CCDC171: variants seen among roughly 807,000 people sequenced by gnomAD.
CCDC171 encodes the protein coiled-coil domain-containing protein 171.
In CCDC171, 177 loss-of-function variants were observed where a neutral mutation model predicts 168.2. The ratio of observed to expected loss-of-function variants is 1.05; its 90% CI spans 0.93 to 1.19. The LOEUF (loss-of-function observed/expected upper bound fraction) is 1.19. CCDC171 is among the 50% of genes most tolerant of loss of function. The probability of loss-of-function intolerance (pLI) is 0.00; values close to 1 mark genes in which losing one functional copy is unlikely to be tolerated. For missense variants in CCDC171, 1,991 were observed against 1,539.0 expected, an observed-to-expected ratio of 1.29 and a Z score of -4.91; for synonymous variants, 687 against 540.8, an observed-to-expected ratio of 1.27 and a Z score of -3.75.
At chr9:16,007,196 T>G (rs1832729048) in intron 3 of CCDC171, among the ~76,000 whole-genome samples, 1 of 152,250 alleles carries the variant, frequency 6.6e-6, no homozygotes, top group Non-Finnish European at 1.5e-5. Context: ...TGGTGAGCAT[T>G]TTTTCATGTG....
intron 24 of CCDC171, among the ~76,000 whole-genome samples, chr9:15,882,226 T>C (rs1369470885): frequency 6.6e-6 from 1 of 152,230 alleles, no homozygotes; most frequent in Non-Finnish European, 1.5e-5. Context: ...CTGTTGACCA[T>C]TTGTATGTTT....
chr9:15,995,834 C>T (rs2132930670), intron 3 of CCDC171, among the ~76,000 whole-genome samples: 1 of 152,332 alleles, frequency 6.6e-6, no homozygotes, highest in East Asian at 1.9e-4. Flanking sequence ...TTGCTTGTTT[C>T]ATTATCAACA....
chr9:15,777,792 T>G lies in CCDC171; in HGVS notation c.2864T>G (p.Leu955Arg). The G allele has an allele frequency of 6.2e-7, 1 of 1,611,430 alleles. No homozygotes were observed. Among genetic ancestry groups the G allele is most frequent in the East Asian group, 2.2e-5 (1 of 44,860 alleles). The change falls in exon 19 of 26, where the codon CTG becomes CGG. Residue 955 changes from leucine (L) to arginine (R), a missense_variant. Transcript: ENST00000380701. ...CTTCATAAAGTAAACACACTGGCCC[T>G]GAAATATGGTTTGCGTGGCCATGTG... ...HGLHKVNTLA[L>R]KYGLRGHVPI...
At chr9:15,828,838 G>T (rs2060119564) in intron 21 of CCDC171, among the ~76,000 whole-genome samples, 1 of 152,112 alleles carries the variant, frequency 6.6e-6, no homozygotes, top group East Asian at 1.9e-4. Context: ...TCTAAAAATA[G>T]GTCAGAAAAT....
the CCDC171 span, among the ~76,000 whole-genome samples, chr9:16,074,718 C>A: frequency 6.6e-6 from 1 of 152,158 alleles, no homozygotes; most frequent in East Asian, 1.9e-4. Flanking sequence ...AGAAGAACAA[C>A]AAATGTTAGA....
chr9:15,555,101 T>G (rs924252109), intron 1 of CCDC171, among the ~76,000 whole-genome samples: 1 of 152,164 alleles, frequency 6.6e-6, no homozygotes, highest in African/African-American at 2.4e-5. Context: ...AAATCTAAAG[T>G]AGATTCGCCT....
intron 7 of CCDC171, among the ~76,000 whole-genome samples, chr9:15,640,510 A>G (rs1239899152): frequency 6.6e-6 from 1 of 152,154 alleles, no homozygotes; most frequent in Non-Finnish European, 1.5e-5. Flanking sequence ...GAGAACATAC[A>G]CGAGAGTTCT....
intron 23 of CCDC171, among the ~76,000 whole-genome samples, chr9:15,867,850 G>GT (rs1379552726): frequency 6.6e-5 from 10 of 151,964 alleles, no homozygotes; most frequent in Admixed American, 5.3e-4. Flanking sequence ...CTCAAGTATG[G>GT]TTTTTTTGTT....
At chr9:15,581,460 C>T (rs1302482914) in intron 4 of CCDC171, among the ~76,000 whole-genome samples, 1 of 152,110 alleles carries the variant, frequency 6.6e-6, no homozygotes, top group Non-Finnish European at 1.5e-5. Flanking sequence ...CAAAAAAGAG[C>T]CCATATTGCC....
At chr9:15,600,020 T>G (rs551361541) in intron 6 of CCDC171, among the ~76,000 whole-genome samples, 5 of 152,242 alleles carry the variant, frequency 3.3e-5, no homozygotes, top group Non-Finnish European at 7.3e-5. Context: ...AGGACTTCTC[T>G]GCATTGGCTA....
intron 7 of CCDC171, among the ~76,000 whole-genome samples, chr9:15,630,154 C>G (rs966060197): frequency 3.3e-5 from 5 of 152,154 alleles, no homozygotes; most frequent in African/African-American, 1.2e-4. Context: ...ATCATAATGA[C>G]AGGATCAAAT....
rs76644943 is a variant in CCDC171, at chr9:15,664,972, A to C, written c.916-1191A>C. Reference sequence around the variant, plus strand: ...CCTTGGCCTGGGAGTATAGTTTTAAAATGTCTTTTTATGTAGAATTTCAAG... The same window carrying C: ...CCTTGGCCTGGGAGTATAGTTTTAACATGTCTTTTTATGTAGAATTTCAAG... On this transcript the variant is annotated intron_variant, in intron 8 of 25. Coordinates refer to ENST00000380701, the MANE Select transcript of CCDC171 (RefSeq NM_173550.4). Among the ~76,000 whole-genome samples, 14 of 152,098 alleles carry C rather than the reference A, an allele frequency of 9.2e-5. 1 individual carries two copies. In the East Asian group the frequency reaches 2.7e-3, roughly 29 times the overall value.
chr9:15,708,674 C>CAA (rs371224916), intron 11 of CCDC171, among the ~76,000 whole-genome samples: 1 of 144,434 alleles, frequency 6.9e-6, no homozygotes, highest in African/African-American at 2.5e-5. Flanking sequence ...GGAATCAAGA[C>CAA]AAAAAAAAAA....
At chr9:15,558,081 A>T (rs981114276) in intron 1 of CCDC171, among the ~76,000 whole-genome samples, 1 of 152,146 alleles carries the variant, frequency 6.6e-6, no homozygotes, top group East Asian at 1.9e-4. Flanking sequence ...CATCCCAGGG[A>T]TGAAGCCAAC....
At chr9:15,840,602 A>T (rs1014158091) in intron 21 of CCDC171, among the ~76,000 whole-genome samples, 1 of 152,122 alleles carries the variant, frequency 6.6e-6, no homozygotes, top group Non-Finnish European at 1.5e-5. Flanking sequence ...TTTCTGTCTC[A>T]TGAGGTCTGC....
At chr9:15,920,168 G>T in intron 24 of CCDC171, 102 bp from the exon 25 acceptor site, 2 of 643,636 alleles carry the variant, frequency 3.1e-6, no homozygotes, top group Non-Finnish European at 4.8e-6. Flanking sequence ...ATGAAAAGTT[G>T]TTTATTTTAA....
At chr9:16,069,067 C>T in the CCDC171 span, among the ~76,000 whole-genome samples, 1 of 152,212 alleles carries the variant, frequency 6.6e-6, no homozygotes, top group Non-Finnish European at 1.5e-5. Flanking sequence ...TCTTCAAGCA[C>T]ATGAGGTGGA....
intron 24 of CCDC171, among the ~76,000 whole-genome samples, chr9:15,884,880 C>G (rs1040871376): frequency 6.6e-6 from 1 of 152,132 alleles, no homozygotes; most frequent in African/African-American, 2.4e-5. Context: ...GGTGACCCAA[C>G]TATATTGAGA....
intron 11 of CCDC171, among the ~76,000 whole-genome samples, chr9:15,716,142 A>G (rs1588115570): frequency 6.6e-6 from 1 of 152,078 alleles, no homozygotes; most frequent in Non-Finnish European, 1.5e-5. Context: ...CTTTTTTTCT[A>G]TGAATTTGAC....
Sources: allele counts gnomAD v4.1 joint callset (sites outside exome capture counted in the v4.1 genomes callset), GRCh38; gene constraint gnomAD v4.1.1; transcripts MANE v1.5; gene names NCBI Gene and HGNC (gene_info 2026-07-23, HGNC 2026-07-21).